AHI1: variants seen among roughly 807,000 people sequenced by gnomAD.
AHI1 encodes the protein Abelson helper integration site 1, also known as jouberin.
In AHI1, 123 loss-of-function variants were observed where a neutral mutation model predicts 149.3. The observed-to-expected ratio is 0.82, with a 90% CI of 0.71 to 0.96. The LOEUF (loss-of-function observed/expected upper bound fraction) is 0.96, where lower values mean the gene tolerates loss of function less well. AHI1 is among the 40% of genes least tolerant of loss of function. AHI1 has a pLI of 0.00. For synonymous variants in AHI1, 475 were observed against 459.8 expected, an observed-to-expected ratio of 1.03 and a Z score of -0.42; for missense variants, 1,439 against 1,422.7, an observed-to-expected ratio of 1.01 and a Z score of -0.18.
rs182936890 is a variant in AHI1, at chr6:135,362,325, G to A, written c.3110-4138C>T. On this transcript the variant is annotated intron_variant, in intron 23 of 28. Coordinates refer to ENST00000265602, the MANE Select transcript of AHI1 (RefSeq NM_001134831.2). ...GGTAGATGGTAGCGGGATTGCTGGA[G>A]CAAAAGCGCTACTTTTCTTAGGTTG... Among the ~76,000 whole-genome samples, 85 of 152,190 alleles carry A rather than the reference G, an allele frequency of 5.6e-4. No homozygotes were observed. In the East Asian group the frequency reaches 0.012, roughly 22 times the overall value.
chr6:135,443,179 C>T (rs116147352), intron 13 of AHI1, among the ~76,000 whole-genome samples: 1 of 152,166 alleles, frequency 6.6e-6, no homozygotes, highest in Non-Finnish European at 1.5e-5. Flanking sequence ...AAAATAATCA[C>T]CTTTTGTGGC....
chr6:135,428,521 C>A, intron 19 of AHI1, 108 bp downstream of exon 19: 1 of 1,299,640 alleles, frequency 7.7e-7, no homozygotes, highest in Non-Finnish European at 1.0e-6. Context: ...ATTGAAAACC[C>A]AAAATCAGAA....
Position 135,463,300 on chromosome 6 carries a change from C to A in AHI1, c.756G>T (p.Leu252Phe). Residue 252 changes from leucine (L) to phenylalanine (F), a missense_variant, in exon 8 of 29, where the codon TTG (leucine) becomes TTT (phenylalanine). Coordinates refer to ENST00000265602, the MANE Select transcript of AHI1 (RefSeq NM_001134831.2). ...PVFSKAETST[L>F]TISGDTVEGE... The stretch of plus-strand genomic sequence containing the variant: ...CTTCAACTGTGTCACCAGAGATGGT[C>A]AATGTACTACAAATATAATCCAAGT... 1.3e-6 allele frequency: 2 copies of A among 1,598,624 alleles called. No individual in the cohort carries two copies. The highest frequency in any genetic ancestry group is 1.1e-5 in the South Asian group (1 of 88,006).
intron 14 of AHI1, 67 bp from the exon 15 acceptor site, chr6:135,438,565 ATAATT>A: frequency 8.2e-7 from 1 of 1,226,868 alleles, no homozygotes; most frequent in South Asian, 2.2e-5. Context: ...ATACAAATAT[ATAATT>A]TAATATTATT....
chr6:135,468,629 A>G (rs554943884), intron 5 of AHI1, among the ~76,000 whole-genome samples: 1 of 152,264 alleles, frequency 6.6e-6, no homozygotes, highest in South Asian at 2.1e-4. Flanking sequence ...ACTTAAGAGA[A>G]GAATCAAATA....
chr6:135,368,511 G>A (rs1441869033), intron 23 of AHI1, among the ~76,000 whole-genome samples: 1 of 152,116 alleles, frequency 6.6e-6, no homozygotes, highest in South Asian at 2.1e-4. Context: ...TGGTGGTGGT[G>A]GGGGGCACCC....
At chr6:135,303,798 G>T (rs1784198513) in intron 26 of AHI1, among the ~76,000 whole-genome samples, 1 of 152,136 alleles carries the variant, frequency 6.6e-6, no homozygotes, top group South Asian at 2.1e-4. Context: ...GTGAAACTAG[G>T]TTTGCATGGC....
At position 135,433,010 on chromosome 6, in the gene AHI1, CAT is replaced by C. The variant is rs1784882018; in HGVS notation, c.2266+15_2266+16del. On this transcript the variant is annotated intron_variant, in intron 16 of 28. Transcript: ENST00000265602. ...ATTCTTCACATAGCTGGTCTTCATT[CAT>C]AGTCTCTGACATACCTTCAGTATCA... 2 of 1,582,484 alleles carry C rather than the reference CAT, an allele frequency of 1.3e-6. No individual in the cohort carries two copies. The highest frequency in any genetic ancestry group is 2.2e-5 in the South Asian group (2 of 90,250).
In AHI1 at chr6:135,467,605, A is replaced by G. The variant is rs1449471287; in HGVS notation, c.165T>C (p.Tyr55=). The part of the protein sequence containing the change: ...SPDTIRSNLH[Y]MKETTSDDPD... ...CATCATCACTTGTAGTTTCTTTCAT[A>G]TAGTGAAGATTGCTTCTAATAGTGT... The change falls in exon 6 of 29, where the codon TAT becomes TAC. Residue 55 remains tyrosine, a synonymous_variant. Coordinates refer to ENST00000265602, the MANE Select transcript of AHI1 (RefSeq NM_001134831.2). 1.2e-6 allele frequency: 2 copies of G among 1,609,346 alleles called. No individual in the cohort carries two copies. Among genetic ancestry groups the G allele is most frequent in the Non-Finnish European group, 1.7e-6 (2 of 1,176,728 alleles).
At chr6:135,319,645 G>A (rs1372549863) in intron 25 of AHI1, among the ~76,000 whole-genome samples, 5 of 152,148 alleles carry the variant, frequency 3.3e-5, no homozygotes, top group Non-Finnish European at 7.4e-5. Flanking sequence ...AGAGCTATGT[G>A]CAAATTTTAA....
intron 25 of AHI1, among the ~76,000 whole-genome samples, chr6:135,321,926 C>G (rs1694811002): frequency 6.6e-6 from 1 of 152,138 alleles, no homozygotes; most frequent in South Asian, 2.1e-4. Context: ...CTCAGCCTCC[C>G]AAGTAGCTGG....
chr6:135,290,375 T>G (rs896581829), intron 28 of AHI1, 48 bp downstream of exon 28: 5 of 1,116,976 alleles, frequency 4.5e-6, no homozygotes, highest in Non-Finnish European at 6.9e-6. Flanking sequence ...TTCCTAAATC[T>G]TTTCCTGTTG....
chr6:135,429,956 CA>C lies in AHI1; in HGVS notation c.2417del (p.Leu806TrpfsTer11). On this transcript the variant is annotated frameshift_variant, in exon 18 of 29. Coordinates refer to ENST00000265602, the MANE Select transcript of AHI1 (RefSeq NM_001134831.2). LOFTEE classifies it high-confidence loss of function. ...TEFKGIPISYLEIHPNGKRLL... is the reference protein window; with the variant it reads ...TEFKGIPISYXEIHPNGKRLL... The stretch of plus-strand genomic sequence containing the variant: ...AACGTTTTCCATTGGGATGAATCTC[CA>C]AATAACTTATTGGAATTCCCTTAAA... The C allele has an allele frequency of 6.3e-7, 1 of 1,585,638 alleles. No homozygotes were observed. The highest frequency in any genetic ancestry group is 8.6e-7 in the Non-Finnish European group (1 of 1,164,212).
Position 135,475,034 on chromosome 6 carries a change from G to C in AHI1, c.136-7400C>G, listed in dbSNP as rs558902730. Among the ~76,000 whole-genome samples, 15 of 152,266 alleles carry C rather than the reference G, an allele frequency of 9.9e-5. No individual in the cohort carries two copies. In the South Asian group the frequency reaches 1.5e-3, roughly 15 times the overall value. ...AAAAGTTACTAATGAAGCCACCTGG[G>C]AGTAGTTTCCTTTGACAAAAGATTT... On this transcript the variant is annotated intron_variant, in intron 5 of 28. Transcript: ENST00000265602.
At chr6:135,382,102 GA>G (rs1776847397) in intron 23 of AHI1, among the ~76,000 whole-genome samples, 1 of 151,908 alleles carries the variant, frequency 6.6e-6, no homozygotes, top group Non-Finnish European at 1.5e-5. Flanking sequence ...GAAAGTTGAG[GA>G]AAAAAGTAAA....
At chr6:135,485,103 C>T (rs550323979) in intron 5 of AHI1, among the ~76,000 whole-genome samples, 4 of 146,588 alleles carry the variant, frequency 2.7e-5, no homozygotes, top group East Asian at 2.0e-4. Flanking sequence ...GACAGAGTTT[C>T]GCTCTTGTAG....
chr6:135,365,401 C>T (rs904348199), intron 23 of AHI1, among the ~76,000 whole-genome samples: 10 of 152,106 alleles, frequency 6.6e-5, no homozygotes, highest in Admixed American at 2.6e-4. Context: ...TTTGGCAGTA[C>T]GGTCATTTTC....
At chr6:135,475,036 G>A (rs1046090991) in intron 5 of AHI1, among the ~76,000 whole-genome samples, 7 of 152,154 alleles carry the variant, frequency 4.6e-5, no homozygotes, top group African/African-American at 1.7e-4. Flanking sequence ...CCACCTGGGA[G>A]TAGTTTCCTT....
intron 28 of AHI1, among the ~76,000 whole-genome samples, chr6:135,289,692 G>C (rs1422546826): frequency 3.3e-5 from 5 of 150,784 alleles, no homozygotes; most frequent in African/African-American, 1.2e-4. Context: ...CTTAGCCCAT[G>C]ATTACATAAC....
Sources: gnomAD v4.1 joint callset for allele counts (sites outside exome capture counted in the v4.1 genomes callset) on GRCh38, gnomAD v4.1.1 for gene constraint, MANE v1.5 for transcripts, NCBI Gene and HGNC (gene_info 2026-07-23, HGNC 2026-07-21) for gene names.